ROBO1: variants seen among roughly 807,000 people sequenced by gnomAD.
The protein encoded by ROBO1 is roundabout guidance receptor 1.
A neutral mutation model predicts 195.9 loss-of-function variants in ROBO1; 149 were observed. The ratio of observed to expected loss-of-function variants is 0.76; its 90% confidence interval spans 0.67 to 0.87. The LOEUF (loss-of-function observed/expected upper bound fraction) is 0.87, where lower values mean the gene tolerates loss of function less well. ROBO1 is among the 40% of genes least tolerant of loss of function. The pLI, the probability that ROBO1 is intolerant of heterozygous loss-of-function variation, is 0.00. For synonymous variants in ROBO1, 816 were observed against 733.2 expected (o/e 1.11, Z -1.82); for missense variants, 1,933 against 2,068.3 (o/e 0.93, Z 1.27).
chr3:79,758,890 T>C (rs887572932), intron 1 of ROBO1, among the ~76,000 whole-genome samples: 1 of 152,216 alleles, frequency 6.6e-6, no homozygotes, highest in Non-Finnish European at 1.5e-5. Flanking sequence ...ATTTGTTCAT[T>C]TTCCAAAATA....
chr3:78,622,675 G>T (rs928018583), intron 26 of ROBO1, among the ~76,000 whole-genome samples: 4 of 152,186 alleles, frequency 2.6e-5, no homozygotes, highest in African/African-American at 9.7e-5. Context: ...TTCTGTGATT[G>T]CTTTAATTCA....
intron 2 of ROBO1, among the ~76,000 whole-genome samples, chr3:79,296,012 TGAA>T (rs1482229867): frequency 1.3e-5 from 2 of 152,116 alleles, no homozygotes; most frequent in Non-Finnish European, 2.9e-5. Flanking sequence ...AAATAAAAGT[TGAA>T]GGAGACAGAA....
intron 8 of ROBO1, among the ~76,000 whole-genome samples, chr3:78,696,483 A>G (rs1366843183): frequency 6.6e-6 from 1 of 152,050 alleles, no homozygotes; most frequent in East Asian, 1.9e-4. Context: ...CCTCCTGACA[A>G]TATCTAACTC....
intron 1 of ROBO1, among the ~76,000 whole-genome samples, chr3:79,709,512 T>C (rs1158901238): frequency 7.4e-6 from 1 of 135,970 alleles, no homozygotes; most frequent in East Asian, 1.9e-4. Context: ...ATTATTAATG[T>C]TTCAGAAAAA....
At chr3:79,453,249 A>T (rs75456026) in intron 2 of ROBO1, among the ~76,000 whole-genome samples, 2 of 152,028 alleles carry the variant, frequency 1.3e-5, no homozygotes, top group African/African-American at 4.8e-5. Flanking sequence ...GCAACACCTG[A>T]GCCATCAAAT....
chr3:79,128,733 G>C (rs369570821), intron 2 of ROBO1, among the ~76,000 whole-genome samples: 2 of 152,144 alleles, frequency 1.3e-5, no homozygotes, highest in Non-Finnish European at 2.9e-5. Flanking sequence ...ATACACTCTT[G>C]TGAATTTAGT....
chr3:79,378,866 G>T (rs1033000479), intron 2 of ROBO1, among the ~76,000 whole-genome samples: 1 of 152,204 alleles, frequency 6.6e-6, no homozygotes, highest in Non-Finnish European at 1.5e-5. Context: ...CTGAGCATCA[G>T]TTTCAGCTCC....
At chr3:79,683,457 C>T (rs571208731) in intron 1 of ROBO1, among the ~76,000 whole-genome samples, 1 of 151,536 alleles carries the variant, frequency 6.6e-6, no homozygotes, top group Non-Finnish European at 1.5e-5. Flanking sequence ...ATATACCTAA[C>T]ATAATTATTT....
chr3:79,343,011 C>A (rs1335119473), intron 2 of ROBO1, among the ~76,000 whole-genome samples: 1 of 152,138 alleles, frequency 6.6e-6, no homozygotes, highest in African/African-American at 2.4e-5. Flanking sequence ...TTTATCCATT[C>A]CCTCTCTCAC....
intron 2 of ROBO1, among the ~76,000 whole-genome samples, chr3:79,527,073 T>C (rs1055639409): frequency 2.0e-5 from 3 of 152,178 alleles, no homozygotes; most frequent in African/African-American, 7.2e-5. Context: ...GCTTTATGGT[T>C]GTCTGGGAAT....
At chr3:79,394,194 A>G (rs2037055501) in intron 2 of ROBO1, among the ~76,000 whole-genome samples, 2 of 152,144 alleles carry the variant, frequency 1.3e-5, no homozygotes, top group Non-Finnish European at 2.9e-5. Context: ...TCAGGTCAGA[A>G]AAGAGTAGAC....
At chr3:78,816,720 T>C (rs1341708443) in intron 4 of ROBO1, among the ~76,000 whole-genome samples, 1 of 152,126 alleles carries the variant, frequency 6.6e-6, no homozygotes, top group Non-Finnish European at 1.5e-5. Context: ...TAATTGCAAA[T>C]GTGATGGAAA....
Position 78,926,821 on chromosome 3 carries a change from T to C in ROBO1, c.499+11780A>G, listed in dbSNP as rs116936886. Among the ~76,000 whole-genome samples the C allele has an allele frequency of 1.5e-3, 223 of 152,212 alleles. 4 individuals carry two copies. The East Asian group carries it at 0.034, about 23-fold the overall frequency. The stretch of plus-strand genomic sequence containing the variant: ...ATAGGCCAAGAAAGACTCAGCCAGA[T>C]GAATAAGAGGAAAATCATATAAAGC... On this transcript the variant is annotated intron_variant, in intron 4 of 30. Transcript: ENST00000464233.
intron 1 of ROBO1, among the ~76,000 whole-genome samples, chr3:79,646,552 A>G (rs529832839): frequency 8.5e-4 from 130 of 152,282 alleles, no homozygotes; most frequent in African/African-American, 3.0e-3. Flanking sequence ...ACACTACTGG[A>G]TGGAATAAAT....
chr3:78,736,841 G>A (rs1221974420), intron 5 of ROBO1, among the ~76,000 whole-genome samples: 1 of 152,116 alleles, frequency 6.6e-6, no homozygotes, highest in Non-Finnish European at 1.5e-5. Flanking sequence ...AAGTGTATGT[G>A]TAATTATTTA....
At chr3:79,218,288 G>A (rs773622377) in intron 2 of ROBO1, among the ~76,000 whole-genome samples, 9 of 151,918 alleles carry the variant, frequency 5.9e-5, no homozygotes, top group Non-Finnish European at 1.2e-4. Context: ...TCAAAGCTCT[G>A]GCAGCAATAT....
At chr3:79,450,687 A>G (rs996389255) in intron 2 of ROBO1, among the ~76,000 whole-genome samples, 1 of 151,982 alleles carries the variant, frequency 6.6e-6, no homozygotes, top group African/African-American at 2.4e-5. Context: ...GGCATTTTAT[A>G]AGATTTATAT....
At chr3:79,760,266 A>AAAAAAG in intron 1 of ROBO1, among the ~76,000 whole-genome samples, 1 of 147,160 alleles carries the variant, frequency 6.8e-6, no homozygotes, top group Non-Finnish European at 1.5e-5. Flanking sequence ...AAAAAAAAAA[A>AAAAAAG]AAAAAGCACA....
At chr3:79,221,067 G>A (rs537670797) in intron 2 of ROBO1, among the ~76,000 whole-genome samples, 1 of 152,158 alleles carries the variant, frequency 6.6e-6, no homozygotes, top group Admixed American at 6.6e-5. Flanking sequence ...GAGAACCACA[G>A]CTTCAGTTAA....
Sources: gnomAD v4.1 joint callset for allele counts (sites outside exome capture counted in the v4.1 genomes callset) on GRCh38, gnomAD v4.1.1 for gene constraint, MANE v1.5 for transcripts, NCBI Gene and HGNC (gene_info 2026-07-23, HGNC 2026-07-21) for gene names.